SHC3: variants seen among roughly 807,000 people sequenced by gnomAD.
The protein encoded by SHC3 is SHC-transforming protein 3.
Under a neutral mutation model 60.4 loss-of-function variants are expected in SHC3, and 15 were observed. The ratio of observed to expected loss-of-function variants is 0.25; its 90% CI spans 0.17 to 0.38. The LOEUF (loss-of-function observed/expected upper bound fraction) is 0.38, where lower values mean the gene tolerates loss of function less well. Ranked by LOEUF, SHC3 falls within the 10% of genes least tolerant of loss-of-function variation. The pLI is 1.00. For missense variants in SHC3, 677 were observed against 786.1 expected (o/e 0.86, Z 1.66); for synonymous variants, 294 against 325.9 (o/e 0.90, Z 1.05).
At chr9:89,014,964 C>T (rs1447712588) in intron 11 of SHC3, among the ~76,000 whole-genome samples, 2 of 152,164 alleles carry the variant, frequency 1.3e-5, no homozygotes, top group Non-Finnish European at 2.9e-5. Flanking sequence ...GAACCCTCTC[C>T]CCCCATCTCT....
At chr9:89,103,314 A>G (rs1341953944) in intron 2 of SHC3, among the ~76,000 whole-genome samples, 1 of 152,200 alleles carries the variant, frequency 6.6e-6, no homozygotes, top group East Asian at 1.9e-4. Flanking sequence ...GAGAAAGATG[A>G]GATGAAACCA....
At chr9:89,127,959 G>A (rs1826188905) in intron 1 of SHC3, among the ~76,000 whole-genome samples, 1 of 152,082 alleles carries the variant, frequency 6.6e-6, no homozygotes, top group Non-Finnish European at 1.5e-5. Flanking sequence ...GTTCCTCTGA[G>A]GGCTCCACCC....
intron 2 of SHC3, among the ~76,000 whole-genome samples, chr9:89,083,090 C>T (rs575500935): frequency 6.6e-6 from 1 of 152,346 alleles, no homozygotes; most frequent in Admixed American, 6.5e-5. Flanking sequence ...CTGGGTCTCT[C>T]CCTTACCAGC....
intron 10 of SHC3, among the ~76,000 whole-genome samples, chr9:89,039,175 T>C (rs1056463625): frequency 6.6e-6 from 1 of 152,182 alleles, no homozygotes; most frequent in Non-Finnish European, 1.5e-5. Flanking sequence ...TACACATACA[T>C]ACAACATAAG....
chr9:89,099,736 G>A (rs755216956), intron 2 of SHC3, among the ~76,000 whole-genome samples: 21 of 152,174 alleles, frequency 1.4e-4, no homozygotes, highest in Non-Finnish European at 2.1e-4. Context: ...TGAAGACACC[G>A]TGAATATAAA....
chr9:89,039,483 T>C (rs537892999), intron 10 of SHC3, among the ~76,000 whole-genome samples: 1 of 152,308 alleles, frequency 6.6e-6, no homozygotes, highest in Admixed American at 6.5e-5. Context: ...TACCTGGAAT[T>C]GTCATTTGTT....
At chr9:89,132,253 T>A (rs1341135329) in intron 1 of SHC3, among the ~76,000 whole-genome samples, 1 of 152,060 alleles carries the variant, frequency 6.6e-6, no homozygotes, top group African/African-American at 2.4e-5. Flanking sequence ...CTCATCGAAA[T>A]AAAAGAGGAC....
intron 10 of SHC3, among the ~76,000 whole-genome samples, chr9:89,041,234 T>C (rs553887340): frequency 1.3e-5 from 2 of 152,324 alleles, no homozygotes; most frequent in South Asian, 4.1e-4. Context: ...ATTAATCAGT[T>C]CATGAACGAT....
At chr9:89,028,842 G>T (rs1824420798) in intron 11 of SHC3, among the ~76,000 whole-genome samples, 1 of 145,346 alleles carries the variant, frequency 6.9e-6, no homozygotes, top group Non-Finnish European at 1.5e-5. Context: ...ACACAAACAT[G>T]TGTGTAAATA....
chr9:89,071,156 A>C, intron 5 of SHC3, 43 bp downstream of exon 5: 3 of 1,600,078 alleles, frequency 1.9e-6, no homozygotes, highest in Non-Finnish European at 2.6e-6. Context: ...CCCTTCTCAG[A>C]AATTCCCAAC....
intron 2 of SHC3, 40 bp from the exon 3 acceptor site, chr9:89,077,943 T>G (rs754440512): frequency 1.5e-5 from 24 of 1,611,090 alleles, no homozygotes; most frequent in Non-Finnish European, 2.0e-5. Context: ...TACGTGTCAG[T>G]CGGGATTATG....
chr9:89,079,508 T>C (rs1362962177), intron 2 of SHC3, among the ~76,000 whole-genome samples: 1 of 152,176 alleles, frequency 6.6e-6, no homozygotes, highest in Non-Finnish European at 1.5e-5. Context: ...AAGCACCGTA[T>C]TTATTTTACC....
chr9:89,147,809 T>C (rs113507493), intron 1 of SHC3, among the ~76,000 whole-genome samples: 9,735 of 152,116 alleles, frequency 0.064, 1,014 homozygotes, highest in African/African-American at 0.22. Context: ...TCCCTGATGA[T>C]AGCCTGACAC....
At chr9:89,020,153 A>G (rs1408380750) in intron 11 of SHC3, among the ~76,000 whole-genome samples, 1 of 152,062 alleles carries the variant, frequency 6.6e-6, no homozygotes, top group African/African-American at 2.4e-5. Flanking sequence ...TAGGGCAGAA[A>G]TGCACACTCA....
intron 1 of SHC3, among the ~76,000 whole-genome samples, chr9:89,148,484 CT>C (rs1252787283): frequency 6.6e-6 from 1 of 152,174 alleles, no homozygotes; most frequent in African/African-American, 2.4e-5. Flanking sequence ...TAAATTTCAA[CT>C]TTTTCTCTCA....
At chr9:89,167,083 A>G (rs1428478851) in intron 1 of SHC3, among the ~76,000 whole-genome samples, 2 of 147,266 alleles carry the variant, frequency 1.4e-5, no homozygotes, top group Non-Finnish European at 3.0e-5. Context: ...GATGTTAACC[A>G]TTGGCCAGCA....
intron 1 of SHC3, among the ~76,000 whole-genome samples, chr9:89,170,658 T>G (rs922827755): frequency 6.6e-6 from 1 of 152,098 alleles, no homozygotes; most frequent in Non-Finnish European, 1.5e-5. Context: ...AATAAACAAG[T>G]GCATATGCTA....
intron 11 of SHC3, among the ~76,000 whole-genome samples, chr9:89,019,621 T>C (rs1296468223): frequency 6.6e-6 from 1 of 152,174 alleles, no homozygotes; most frequent in Non-Finnish European, 1.5e-5. Flanking sequence ...AATGAACACG[T>C]GGAATTTAAA....
At chr9:89,128,995 G>T (rs1457017920) in intron 1 of SHC3, among the ~76,000 whole-genome samples, 1 of 152,102 alleles carries the variant, frequency 6.6e-6, no homozygotes, top group Non-Finnish European at 1.5e-5. Flanking sequence ...TCATAAAGAA[G>T]CTAAAAACCT....
Sources: allele counts gnomAD v4.1 joint callset (sites outside exome capture counted in the v4.1 genomes callset), GRCh38; gene constraint gnomAD v4.1.1; transcripts MANE v1.5; gene names NCBI Gene and HGNC (gene_info 2026-07-23, HGNC 2026-07-21).